Variants in PARD3B observed in about 807,000 individuals in gnomAD.
PARD3B encodes the protein partitioning defective 3 homolog B.
A neutral mutation model predicts 130.2 loss-of-function variants in PARD3B; 103 were observed. The observed-to-expected ratio is 0.79, with a 90% confidence interval of 0.67 to 0.93. The LOEUF is 0.93. Among genes scored for constraint, PARD3B ranks in the 40% least tolerant of loss-of-function variants. The pLI, the probability that PARD3B is intolerant of heterozygous loss-of-function variation, is 0.00. For missense variants in PARD3B, 1,609 were observed against 1,499.2 expected, an observed-to-expected ratio of 1.07 and a Z score of -1.21; for synonymous variants, 583 against 553.2, an observed-to-expected ratio of 1.05 and a Z score of -0.76.
At chr2:205,399,095 C>T (rs1486878822) in intron 18 of PARD3B, among the ~76,000 whole-genome samples, 4 of 152,016 alleles carry the variant, frequency 2.6e-5, no homozygotes, top group East Asian at 2.0e-4. Context: ...ATGGTGAAAC[C>T]CCGTCTCTAC....
At chr2:205,403,984 C>A (rs952230765) in intron 19 of PARD3B, among the ~76,000 whole-genome samples, 4 of 152,154 alleles carry the variant, frequency 2.6e-5, no homozygotes, top group African/African-American at 9.7e-5. Flanking sequence ...TTGCCCCCAG[C>A]ACCCCTCATG....
intron 2 of PARD3B, among the ~76,000 whole-genome samples, chr2:204,848,689 T>G (rs2125601360): frequency 6.6e-6 from 1 of 150,470 alleles, no homozygotes; most frequent in South Asian, 2.1e-4. Context: ...CTATCTATTA[T>G]TTATATATGT....
At chr2:204,976,118 G>T (rs987135142) in intron 3 of PARD3B, among the ~76,000 whole-genome samples, 9 of 152,126 alleles carry the variant, frequency 5.9e-5, no homozygotes, top group Non-Finnish European at 8.8e-5. Flanking sequence ...TTAAAATTAG[G>T]CTTTTATCTT....
At chr2:204,964,472 A>G (rs1427323916) in intron 2 of PARD3B, among the ~76,000 whole-genome samples, 3 of 152,236 alleles carry the variant, frequency 2.0e-5, no homozygotes, top group Non-Finnish European at 4.4e-5. Flanking sequence ...AGATTGACAT[A>G]TAATTAGATT....
At position 205,397,373 on chromosome 2, in the gene PARD3B, G is replaced by A. The variant is rs561925522; in HGVS notation, c.2631-3640G>A. On this transcript the variant is annotated intron_variant, in intron 18 of 22. Transcript: ENST00000406610. This position sits in a 1 kb window ranked among gnomAD's most constrained non-coding sequence, Gnocchi z 4.8. The stretch of plus-strand genomic sequence containing the variant: ...GAATTGCTTGATTTGACTGTTATTG[G>A]CAGTTCTTGCTAAGAAGAAAATACT... Among the ~76,000 whole-genome samples the A allele has an allele frequency of 5.3e-5, 8 of 152,184 alleles. No individual in the cohort carries two copies. The highest frequency in any genetic ancestry group is 3.4e-3 in the Middle Eastern group (1 of 294).
chr2:205,130,392 T>C (rs1211853624), intron 10 of PARD3B, among the ~76,000 whole-genome samples: 1 of 152,220 alleles, frequency 6.6e-6, no homozygotes, highest in African/African-American at 2.4e-5. Flanking sequence ...TTCTTTCTTA[T>C]GCTAAATGTC....
intron 1 of PARD3B, among the ~76,000 whole-genome samples, chr2:204,640,015 A>T (rs950819519): frequency 3.3e-5 from 5 of 152,024 alleles, no homozygotes; most frequent in African/African-American, 1.2e-4. Flanking sequence ...ACACTTTGGG[A>T]GGCCGAGGTG....
At chr2:205,422,265 G>A (rs761514825) in intron 19 of PARD3B, among the ~76,000 whole-genome samples, 2 of 152,180 alleles carry the variant, frequency 1.3e-5, no homozygotes, top group African/African-American at 2.4e-5. Flanking sequence ...AATAACTAAG[G>A]GAGAGCGTGG....
rs868146698 is a variant in PARD3B at position 204,812,877 on chromosome 2, G to C, written c.222+126595G>C. Among the ~76,000 whole-genome samples the C allele has an allele frequency of 5.3e-5, 8 of 152,136 alleles. No individual in the cohort carries two copies. The South Asian group carries it at 8.3e-4, about 16-fold the overall frequency. The stretch of plus-strand genomic sequence containing the variant: ...ACTTAAACAACTACCTGACCATCCC[G>C]TGATGGTCACCTAGCATTTCTAGGG... On this transcript the variant is annotated intron_variant, in intron 2 of 22. Transcript: ENST00000406610.
intron 2 of PARD3B, among the ~76,000 whole-genome samples, chr2:204,864,889 A>G (rs749149693): frequency 1.3e-5 from 2 of 152,182 alleles, no homozygotes; most frequent in Non-Finnish European, 2.9e-5. Context: ...AAAAAGTACC[A>G]CAAGACATCA....
chr2:205,113,391 G>GT, intron 5 of PARD3B, 100 bp from the exon 6 acceptor site: 1 of 504,494 alleles, frequency 2.0e-6, no homozygotes, highest in Non-Finnish European at 3.3e-6. Context: ...ATCCTGAGCA[G>GT]GGGTGTGTGT....
intron 2 of PARD3B, among the ~76,000 whole-genome samples, chr2:204,692,988 T>C (rs1017821249): frequency 2.0e-5 from 3 of 152,042 alleles, no homozygotes; most frequent in Admixed American, 6.6e-5. Flanking sequence ...CCTAGGATGC[T>C]GATAACATCT....
intron 2 of PARD3B, among the ~76,000 whole-genome samples, chr2:204,836,143 A>G (rs2044023859): frequency 2.6e-5 from 4 of 152,218 alleles, no homozygotes; most frequent in Admixed American, 1.3e-4. Flanking sequence ...TTCCATTGAC[A>G]TAAAAATAGT....
At chr2:204,628,209 C>T (rs1032687980) in intron 1 of PARD3B, among the ~76,000 whole-genome samples, 6 of 151,918 alleles carry the variant, frequency 3.9e-5, no homozygotes, top group Admixed American at 6.6e-5. Context: ...CTCCCTATCC[C>T]GCTTTGCTTT....
chr2:205,612,150 C>A (rs1029626827), intron 22 of PARD3B, among the ~76,000 whole-genome samples: 2 of 152,172 alleles, frequency 1.3e-5, no homozygotes, highest in African/African-American at 4.8e-5. Flanking sequence ...GGCTTATTTT[C>A]CCTGTTTCAA....
intron 2 of PARD3B, among the ~76,000 whole-genome samples, chr2:204,914,196 G>T (rs1439955487): frequency 1.3e-5 from 2 of 152,144 alleles, no homozygotes; most frequent in African/African-American, 4.8e-5. Flanking sequence ...TGAGATGAGG[G>T]TCTGTTAACA....
At chr2:205,522,415 C>T (rs2051114866) in intron 21 of PARD3B, among the ~76,000 whole-genome samples, 1 of 151,652 alleles carries the variant, frequency 6.6e-6, no homozygotes, top group Admixed American at 6.6e-5. Context: ...GTTTTAAGCT[C>T]TGTAGTCAAG....
Position 205,531,767 on chromosome 2 carries a change from A to T in PARD3B, c.3181-21557A>T, listed in dbSNP as rs564864213. 1.4e-4 allele frequency among the ~76,000 whole-genome samples: 22 copies of T among 152,254 alleles called. No homozygotes were observed. The South Asian group carries it at 4.4e-3, about 30-fold the overall frequency. Reference sequence around the variant, plus strand: ...AGAGGGAGGAGATTAGGGAACATTTAATTGCCTTATAAACTGATTGACAAA... The same window carrying T: ...AGAGGGAGGAGATTAGGGAACATTTTATTGCCTTATAAACTGATTGACAAA... On this transcript the variant is annotated intron_variant, in intron 21 of 22. Coordinates refer to ENST00000406610, the MANE Select transcript of PARD3B (RefSeq NM_001302769.2).
At position 204,744,821 on chromosome 2, in the gene PARD3B, G is replaced by A. The variant is rs760199706; in HGVS notation, c.222+58539G>A. ...ATGAGGAAATTAAAGAATTTCTGAC[G>A]GTGAGACTAAAGTTTAAAATTTAAA... On this transcript the variant is annotated intron_variant, in intron 2 of 22. Transcript: ENST00000406610. Among the ~76,000 whole-genome samples, 10 of 152,066 alleles carry A rather than the reference G, an allele frequency of 6.6e-5. 1 individual carries two copies. The highest frequency in any genetic ancestry group is 1.9e-4 in the African/African-American group (8 of 41,412).
Sources: gnomAD v4.1 joint callset for allele counts (sites outside exome capture counted in the v4.1 genomes callset) on GRCh38, gnomAD v4.1.1 for gene constraint, Gnocchi (gnomAD v3.1) non-coding constraint, MANE v1.5 for transcripts, NCBI Gene and HGNC (gene_info 2026-07-23, HGNC 2026-07-21) for gene names.